XKR6: variants seen among roughly 807,000 people sequenced by gnomAD.
The protein encoded by XKR6 is XK related 6.
Under a neutral mutation model 56.7 loss-of-function variants are expected in XKR6, and 22 were observed. The observed-to-expected ratio is 0.39, with a 90% confidence interval of 0.28 to 0.55. The LOEUF (loss-of-function observed/expected upper bound fraction) is 0.55. Among genes scored for constraint, XKR6 ranks in the 20% least tolerant of loss-of-function variants. The probability of loss-of-function intolerance (pLI) is 0.66; values close to 1 mark genes in which losing one functional copy is unlikely to be tolerated. For missense variants in XKR6, 852 were observed against 889.0 expected (o/e 0.96, Z 0.53); for synonymous variants, 524 against 387.8 (o/e 1.35, Z -4.13).
chr8:11,147,146 G>A (rs1456825996), intron 1 of XKR6, among the ~76,000 whole-genome samples: 2 of 151,936 alleles, frequency 1.3e-5, no homozygotes, highest in African/African-American at 4.8e-5. Context: ...AACTTGGGGT[G>A]GTAATGGATA....
intron 1 of XKR6, among the ~76,000 whole-genome samples, chr8:11,044,799 T>C (rs1799367361): frequency 6.6e-6 from 1 of 152,088 alleles, no homozygotes. Flanking sequence ...TTTGTATTTT[T>C]AGTAGAGACG....
intron 1 of XKR6, among the ~76,000 whole-genome samples, chr8:11,017,927 G>C (rs1178406485): frequency 6.6e-6 from 1 of 152,160 alleles, no homozygotes; most frequent in Admixed American, 6.5e-5. Context: ...CTGAGGCCAG[G>C]TTGAGAGGGA....
chr8:11,087,082 G>C (rs917169265), intron 1 of XKR6, among the ~76,000 whole-genome samples: 1 of 152,108 alleles, frequency 6.6e-6, no homozygotes, highest in Non-Finnish European at 1.5e-5. Flanking sequence ...CCCCAGTCCT[G>C]CCCTCACTCT....
Position 11,200,860 on chromosome 8 carries a change from G to T in XKR6, c.480C>A (p.Val160=). Residue 160 remains valine, a synonymous_variant, in exon 1 of 3, where the codon GTC becomes GTA. Coordinates refer to ENST00000416569, the MANE Select transcript of XKR6 (RefSeq NM_173683.4). This position sits in a 1 kb window ranked among gnomAD's most constrained non-coding sequence, Gnocchi z 6.4. ...CGAAGAAGAGGGTCAGCCCGAAGTA[G>T]ACGTAGTCCCCCTTGCGGTAGTAGT... ...ALDYYRKGDY[V]YFGLTLFFVL... 6.2e-7 allele frequency: 1 copy of T among 1,611,960 alleles called. No individual in the cohort carries two copies. The highest frequency in any genetic ancestry group is 2.2e-5 in the East Asian group (1 of 44,760).
At chr8:11,026,120 T>C (rs748348965) in intron 1 of XKR6, among the ~76,000 whole-genome samples, 12 of 152,178 alleles carry the variant, frequency 7.9e-5, no homozygotes, top group Admixed American at 2.0e-4. Flanking sequence ...CAGAGTGAGT[T>C]ACACATGCCT....
intron 1 of XKR6, among the ~76,000 whole-genome samples, chr8:10,979,567 G>C (rs1468294282): frequency 6.6e-6 from 1 of 152,188 alleles, no homozygotes; most frequent in African/African-American, 2.4e-5. Context: ...CAAGACAGTT[G>C]GTCAAGCCAC....
In XKR6 at chr8:11,114,651, G is replaced by A. The variant is rs756085153; in HGVS notation, c.764+85925C>T. On this transcript the variant is annotated intron_variant, in intron 1 of 2. Coordinates refer to ENST00000416569, the MANE Select transcript of XKR6 (RefSeq NM_173683.4). ...GCTGGGATGACAGGCGTGAGCCACC[G>A]CACCTGGCCAAACATTTATTTTTAA... is the stretch of plus-strand genomic sequence containing the variant. Among the ~76,000 whole-genome samples, 9 of 152,060 alleles carry A rather than the reference G, an allele frequency of 5.9e-5. No individual in the cohort carries two copies. The South Asian group carries it at 6.2e-4, about 11-fold the overall frequency.
intron 1 of XKR6, among the ~76,000 whole-genome samples, chr8:11,031,700 C>G (rs1367630508): frequency 6.6e-6 from 1 of 151,670 alleles, no homozygotes; most frequent in Non-Finnish European, 1.5e-5. Flanking sequence ...TAGAAGAAGA[C>G]ATTTGCTAGA....
chr8:11,094,077 C>T (rs1337202404), intron 1 of XKR6, among the ~76,000 whole-genome samples: 8 of 137,346 alleles, frequency 5.8e-5, no homozygotes, highest in African/African-American at 2.2e-4. Flanking sequence ...AGCCACCGCG[C>T]CCGGCCTTTT....
chr8:10,947,358 G>A (rs1462200240), intron 1 of XKR6, among the ~76,000 whole-genome samples: 3 of 152,178 alleles, frequency 2.0e-5, no homozygotes, highest in Non-Finnish European at 4.4e-5. Flanking sequence ...CCATGTGCGT[G>A]TCTCTATGAA....
chr8:10,932,475 G>T (rs867834652), intron 1 of XKR6, among the ~76,000 whole-genome samples: 4 of 144,810 alleles, frequency 2.8e-5, no homozygotes, highest in Admixed American at 2.0e-4. Flanking sequence ...TGCACATCGT[G>T]CAGGTTAGTT....
intron 1 of XKR6, among the ~76,000 whole-genome samples, chr8:10,925,207 G>A (rs2129117419): frequency 6.6e-6 from 1 of 152,254 alleles, no homozygotes; most frequent in African/African-American, 2.4e-5. Context: ...GACCCCGGGG[G>A]GAAACAATCC....
At chr8:11,072,381 C>G (rs1279626575) in intron 1 of XKR6, among the ~76,000 whole-genome samples, 3 of 151,612 alleles carry the variant, frequency 2.0e-5, no homozygotes, top group Non-Finnish European at 4.4e-5. Context: ...CACCCCCTCT[C>G]TGTTTTGGTA....
At chr8:10,994,296 C>A (rs191114453) in intron 1 of XKR6, among the ~76,000 whole-genome samples, 1 of 152,356 alleles carries the variant, frequency 6.6e-6, no homozygotes, top group Admixed American at 6.5e-5. Flanking sequence ...CAGAGTCAGC[C>A]TCGGCTAAGC....
rs79367174 is a variant in XKR6, at chr8:10,925,000, G to A, written c.765-170C>T. Reference sequence around the variant, plus strand: ...TGGGGGGCTCCCGGCAAAAGGACATGATGCTGAGGCATGGGGGAGGGGCGG... The same window carrying A: ...TGGGGGGCTCCCGGCAAAAGGACATAATGCTGAGGCATGGGGGAGGGGCGG... On this transcript the variant is annotated intron_variant, in intron 1 of 2. Coordinates refer to ENST00000416569, the MANE Select transcript of XKR6 (RefSeq NM_173683.4). 7.9e-5 allele frequency among the ~76,000 whole-genome samples: 12 copies of A among 152,242 alleles called. No homozygotes were observed. In the East Asian group the frequency reaches 2.3e-3, roughly 30 times the overall value.
intron 1 of XKR6, among the ~76,000 whole-genome samples, chr8:11,135,212 G>A (rs972775888): frequency 1.3e-5 from 2 of 151,970 alleles, no homozygotes; most frequent in Non-Finnish European, 2.9e-5. Context: ...TGTATTTTTA[G>A]CAGAGATGGG....
At chr8:11,062,369 T>A (rs981774911) in intron 1 of XKR6, among the ~76,000 whole-genome samples, 1 of 152,126 alleles carries the variant, frequency 6.6e-6, no homozygotes, top group African/African-American at 2.4e-5. Flanking sequence ...TGGAATCAGA[T>A]CTCCTCCTAG....
chr8:11,192,893 G>A (rs2117135980), intron 1 of XKR6, among the ~76,000 whole-genome samples: 1 of 152,282 alleles, frequency 6.6e-6, no homozygotes, highest in Non-Finnish European at 1.5e-5. Flanking sequence ...AGGGGCCTGA[G>A]TTCTAGATTG....
At chr8:11,008,795 A>G (rs1798433662) in intron 1 of XKR6, among the ~76,000 whole-genome samples, 1 of 152,036 alleles carries the variant, frequency 6.6e-6, no homozygotes, top group Non-Finnish European at 1.5e-5. Flanking sequence ...GCCACGGTCA[A>G]GCGCTCATAT....
Sources: gnomAD v4.1 joint callset for allele counts (sites outside exome capture counted in the v4.1 genomes callset) on GRCh38, gnomAD v4.1.1 for gene constraint, Gnocchi (gnomAD v3.1) non-coding constraint, MANE v1.5 for transcripts, NCBI Gene and HGNC (gene_info 2026-07-23, HGNC 2026-07-21) for gene names.